The following MYOM1 variants were observed in gnomAD, a reference collection of about 807,000 sequenced individuals.
MYOM1 encodes myomesin-1.
Under a neutral mutation model 205.3 loss-of-function variants are expected in MYOM1, and 164 were observed. The observed-to-expected ratio is 0.80, with a 90% CI of 0.70 to 0.91. The LOEUF (loss-of-function observed/expected upper bound fraction) is 0.91. MYOM1 is among the 40% of genes least tolerant of loss of function. The pLI is 0.00. For synonymous variants in MYOM1, 772 were observed against 789.4 expected (o/e 0.98, Z 0.37); for missense variants, 2,011 against 2,127.3 (o/e 0.95, Z 1.08).
intron 34 of MYOM1, among the ~76,000 whole-genome samples, chr18:3,077,588 C>T (rs977206370): frequency 2.6e-5 from 4 of 152,046 alleles, no homozygotes; most frequent in South Asian, 2.1e-4. Context: ...TGGGAATGGC[C>T]GAGCCAATCT....
At chr18:3,079,418 C>T in intron 33 of MYOM1, 76 bp from the exon 34 acceptor site, 1 of 1,457,640 alleles carries the variant, frequency 6.9e-7, no homozygotes, top group Non-Finnish European at 9.2e-7. Flanking sequence ...CTCATTGAAG[C>T]TCTTGCCATA....
At chr18:3,151,555 G>C (rs551093475) in intron 12 of MYOM1, 139 bp downstream of exon 12, 309 of 604,662 alleles carry the variant, frequency 5.1e-4, no homozygotes, top group African/African-American at 4.8e-3. Flanking sequence ...TCTCCCCCTC[G>C]GATTTTCTGA....
chr18:3,198,885 A>C (rs2081028703), intron 2 of MYOM1, among the ~76,000 whole-genome samples: 1 of 152,332 alleles, frequency 6.6e-6, no homozygotes, highest in Non-Finnish European at 1.5e-5. Flanking sequence ...AGGAATGATT[A>C]AAAATGACTG....
At chr18:3,205,758 T>G (rs1405321130) in intron 2 of MYOM1, among the ~76,000 whole-genome samples, 2 of 152,192 alleles carry the variant, frequency 1.3e-5, no homozygotes, top group Non-Finnish European at 2.9e-5. Context: ...ACAATCTCCT[T>G]GTTCAATCGT....
intron 29 of MYOM1, among the ~76,000 whole-genome samples, chr18:3,088,621 C>T (rs536016654): frequency 2.9e-4 from 44 of 152,326 alleles, no homozygotes; most frequent in African/African-American, 1.0e-3. Context: ...GACTCAGCTA[C>T]ACACCACATG....
intron 10 of MYOM1, 35 bp downstream of exon 10, chr18:3,164,243 T>C (rs1469624379): frequency 6.3e-7 from 1 of 1,599,380 alleles, no homozygotes. Context: ...GTGTACTAAA[T>C]ATTGTTAGGT....
intron 11 of MYOM1, 50 bp downstream of exon 11, chr18:3,154,897 C>T (rs375479182): frequency 5.2e-5 from 82 of 1,566,750 alleles, no homozygotes; most frequent in Admixed American, 2.0e-4. Context: ...AAATCAAGCA[C>T]GCATCTCTAT....
chr18:3,095,331 G>A (rs775041890), intron 25 of MYOM1, among the ~76,000 whole-genome samples: 58 of 152,282 alleles, frequency 3.8e-4, no homozygotes, highest in Non-Finnish European at 7.6e-4. Context: ...TACTTGGGGA[G>A]GCCGAGGGGG....
intron 22 of MYOM1, among the ~76,000 whole-genome samples, chr18:3,109,253 G>A (rs1383854523): frequency 6.6e-6 from 1 of 152,192 alleles, no homozygotes; most frequent in Non-Finnish European, 1.5e-5. Flanking sequence ...AAAGTGCTGG[G>A]ATTACAGGCG....
At chr18:3,120,609 G>A (rs895013355) in intron 19 of MYOM1, among the ~76,000 whole-genome samples, 7 of 152,132 alleles carry the variant, frequency 4.6e-5, no homozygotes, top group East Asian at 3.9e-4. Context: ...AACGCCGTGC[G>A]CAGACCCCTG....
chr18:3,151,865 G>A lies in MYOM1; in HGVS notation c.1672C>T (p.Gln558Ter). Reference protein sequence around the residue: ...KCEVGTDSWSQCNDTPVKFAR... With the variant: ...KCEVGTDSWS The stretch of plus-strand genomic sequence containing the variant: ...AACTTCACAGGTGTGTCATTGCACT[G>A]CGACCAGCTATCTGTGCCCACCTCA... Residue 558 changes from glutamine (Q) to a stop codon, truncating the protein, a stop_gained, in exon 12 of 38, where the codon CAG becomes TAG. Coordinates refer to ENST00000356443, the MANE Select transcript of MYOM1 (RefSeq NM_003803.4). LOFTEE classifies it high-confidence loss of function. 2 of 1,612,942 alleles carry A rather than the reference G, an allele frequency of 1.2e-6. No homozygotes were observed. Among genetic ancestry groups the A allele is most frequent in the Non-Finnish European group, 1.7e-6 (2 of 1,179,212 alleles).
chr18:3,173,573 C>CGTGTGTGTGTGTGT (rs71159051), intron 8 of MYOM1, among the ~76,000 whole-genome samples: 41 of 137,004 alleles, frequency 3.0e-4, no homozygotes, highest in African/African-American at 8.6e-4. Flanking sequence ...AGTCCAGACT[C>CGTGTGTGTGTGTGT]GTGTGTGTGT....
chr18:3,163,995 G>A (rs1317842565), intron 10 of MYOM1, among the ~76,000 whole-genome samples: 1 of 149,906 alleles, frequency 6.7e-6, no homozygotes, highest in African/African-American at 2.5e-5. Flanking sequence ...TGGGACCACA[G>A]GTGCATGCCG....
chr18:3,187,857 C>CTTTTTTTTTTT (rs763218658), intron 4 of MYOM1, among the ~76,000 whole-genome samples: 1 of 124,222 alleles, frequency 8.1e-6, no homozygotes, highest in African/African-American at 3.3e-5. Context: ...ATTTCTTTTT[C>CTTTTTTTTTTT]TTTTTTTTTT....
At chr18:3,200,808 A>G (rs1320889138) in intron 2 of MYOM1, among the ~76,000 whole-genome samples, 3 of 152,180 alleles carry the variant, frequency 2.0e-5, no homozygotes, top group African/African-American at 4.8e-5. Flanking sequence ...AAAGGGCAGG[A>G]AAATATATTT....
At chr18:3,176,921 T>C (rs892895535) in intron 5 of MYOM1, among the ~76,000 whole-genome samples, 1 of 151,390 alleles carries the variant, frequency 6.6e-6, no homozygotes, top group African/African-American at 2.4e-5. Context: ...GCACACTTTT[T>C]GTGTGCATGT....
chr18:3,220,417 A>G (rs764874509), upstream of MYOM1, among the ~76,000 whole-genome samples: 6 of 152,202 alleles, frequency 3.9e-5, no homozygotes, highest in Non-Finnish European at 8.8e-5. Context: ...CGTGGTGGCG[A>G]TTTTTGCCTG....
At chr18:3,071,974 C>G in intron 36 of MYOM1, 85 bp from the exon 37 acceptor site, 1 of 1,176,252 alleles carries the variant, frequency 8.5e-7, no homozygotes, top group South Asian at 1.3e-5. Context: ...AGCTACATTT[C>G]CAATTTAGTT....
chr18:3,188,959 G>A lies in MYOM1; in HGVS notation c.560C>T (p.Ser187Phe). The A allele has an allele frequency of 6.2e-7, 1 of 1,612,994 alleles. No homozygotes were observed. Among genetic ancestry groups the A allele is most frequent in the East Asian group, 2.2e-5 (1 of 44,776 alleles). ...GITTSKQSTASKQTTASKQST... is the reference protein window; with the variant it reads ...GITTSKQSTAFKQTTASKQST... Reference sequence around the variant, plus strand: ...CTGCTTAGATGCCGTGGTCTGCTTGGATGCCGTGGACTGTTTAGATGTTGT... The same window carrying A: ...CTGCTTAGATGCCGTGGTCTGCTTGAATGCCGTGGACTGTTTAGATGTTGT... Residue 187 changes from serine (S) to phenylalanine (F), a missense_variant, in exon 4 of 38, where the codon TCC becomes TTC. Physicochemically the swap from Ser to Phe is radical, Grantham distance 155. Transcript: ENST00000356443.
Sources: gnomAD v4.1 joint callset for allele counts (sites outside exome capture counted in the v4.1 genomes callset) on GRCh38, gnomAD v4.1.1 for gene constraint, MANE v1.5 for transcripts, NCBI Gene and HGNC (gene_info 2026-07-23, HGNC 2026-07-21) for gene names.